DCAF4: variants seen among roughly 807,000 people sequenced by gnomAD.
DCAF4 encodes DDB1 and CUL4 associated factor 4.
In DCAF4, 37 loss-of-function variants were observed where a neutral mutation model predicts 60.9. The observed-to-expected ratio is 0.61, with a 90% CI of 0.47 to 0.80. The LOEUF is 0.80. Ranked by LOEUF, DCAF4 falls within the 30% of genes least tolerant of loss-of-function variation. The pLI is 0.00. For missense variants in DCAF4, 577 were observed against 650.0 expected, an observed-to-expected ratio of 0.89 and a Z score of 1.22; for synonymous variants, 243 against 254.8, an observed-to-expected ratio of 0.95 and a Z score of 0.44.
chr14:72,941,946 T>G, intron 5 of DCAF4, 122 bp downstream of exon 5: 1 of 1,004,710 alleles, frequency 1.0e-6, no homozygotes, highest in East Asian at 2.4e-5. Flanking sequence ...ACCTGCACAG[T>G]TGAGGGGCTC....
Position 72,940,396 on chromosome 14 carries a change from CG to C in DCAF4, c.351+20del. 6.3e-7 allele frequency: 1 copy of C among 1,599,848 alleles called. No homozygotes were observed. The highest frequency in any genetic ancestry group is 8.5e-7 in the Non-Finnish European group (1 of 1,175,760). On this transcript the variant is annotated intron_variant, in intron 4 of 13. Transcript: ENST00000358377. ...GAAAAAGGTGGGCTCCTCACCCCTT[CG>C]CCCCCTGTCCTCTCCGCTCCTGCCA... is the stretch of plus-strand genomic sequence containing the variant.
At chr14:72,932,793 C>T (rs1354537135) in intron 1 of DCAF4, among the ~76,000 whole-genome samples, 4 of 152,168 alleles carry the variant, frequency 2.6e-5, no homozygotes, top group African/African-American at 9.7e-5. Flanking sequence ...TGGTCTCAAA[C>T]TCTGGACTCA....
intron 6 of DCAF4, among the ~76,000 whole-genome samples, chr14:72,944,137 A>C (rs146364907): frequency 1.3e-5 from 2 of 152,250 alleles, no homozygotes; most frequent in African/African-American, 4.8e-5. Flanking sequence ...CACTGTTCAC[A>C]AGCCTGGACA....
intron 7 of DCAF4, among the ~76,000 whole-genome samples, chr14:72,946,862 C>T (rs921939134): frequency 1.3e-5 from 2 of 152,200 alleles, no homozygotes; most frequent in Admixed American, 6.5e-5. Context: ...GATACACCTT[C>T]AGAGTTCGGC....
intron 1 of DCAF4, among the ~76,000 whole-genome samples, chr14:72,927,868 GT>G (rs1338326102): frequency 6.6e-6 from 1 of 152,146 alleles, no homozygotes; most frequent in Admixed American, 6.6e-5. Flanking sequence ...AAATTTTGTT[GT>G]TTTTTAAGTC....
Position 72,952,026 on chromosome 14 carries a change from T to G in DCAF4, c.808+149T>G, listed in dbSNP as rs891984430. The G allele has an allele frequency of 1.1e-4, 69 of 622,284 alleles. 1 individual carries two copies. Among genetic ancestry groups the G allele is most frequent in the Middle Eastern group, 4.1e-4 (1 of 2,448 alleles). 38.5% of individuals were successfully genotyped at this position (622,284 alleles called of 1,614,324 possible). On this transcript the variant is annotated intron_variant, in intron 9 of 13. Transcript: ENST00000358377. ...CAGGGTTAGTACCAGAAGCATGTGT[T>G]TTTTTTACAGCATCTGCCCCTTTTT...
At chr14:72,960,218 G>A (rs182842447), downstream of DCAF4, among the ~76,000 whole-genome samples, 11 of 150,678 alleles carry the variant, frequency 7.3e-5, no homozygotes, top group East Asian at 2.0e-4. Context: ...GTGCAATGGC[G>A]CTCTCACCGC....
chr14:72,927,343 CTTTTTTTTTTTTTTTT>C (rs547199942), intron 1 of DCAF4, among the ~76,000 whole-genome samples: 1 of 87,344 alleles, frequency 1.1e-5, no homozygotes, highest in Non-Finnish European at 2.2e-5. Context: ...CGGTGGTGTT[CTTTTTTTTTTTTTTTT>C]TTTTTTTTTT....
Position 72,956,507 on chromosome 14 carries a change from GAGGA to G in DCAF4, c.1294+15_1294+18del. 1 of 1,606,336 alleles carries G rather than the reference GAGGA, an allele frequency of 6.2e-7. No individual in the cohort carries two copies. The highest frequency in any genetic ancestry group is 8.5e-7 in the Non-Finnish European group (1 of 1,176,268). On this transcript the variant is annotated splice_region_variant and intron_variant, in intron 13 of 13. Coordinates refer to ENST00000358377, the MANE Select transcript of DCAF4 (RefSeq NM_015604.4). ...GAAGGAATCCTGGTGGCAGGTACTTGAGGAAGGAAGGGGAAGTTCCACCCCATCA... is the reference window on the plus strand; with the variant it reads ...GAAGGAATCCTGGTGGCAGGTACTTGAGGAAGGGGAAGTTCCACCCCATCA...
intron 1 of DCAF4, among the ~76,000 whole-genome samples, chr14:72,927,952 G>A (rs1296868121): frequency 6.6e-6 from 1 of 151,962 alleles, no homozygotes; most frequent in African/African-American, 2.4e-5. Context: ...CACCACACCC[G>A]GCTAATTTTT....
In DCAF4 at chr14:72,951,441, G is replaced by A. The variant is rs370871598; in HGVS notation, c.729-357G>A. Among the ~76,000 whole-genome samples, 12 of 151,992 alleles carry A rather than the reference G, an allele frequency of 7.9e-5. No homozygotes were observed. In the East Asian group the frequency reaches 9.7e-4, roughly 12 times the overall value. ...AGTCTGACCAACTTGGAGAAACCCC[G>A]TCTCTACTAAAAATACAAAATTACC... On this transcript the variant is annotated intron_variant, in intron 8 of 13. Coordinates refer to ENST00000358377, the MANE Select transcript of DCAF4 (RefSeq NM_015604.4).
chr14:72,943,593 G>T (rs1890333307), intron 6 of DCAF4, among the ~76,000 whole-genome samples: 1 of 152,148 alleles, frequency 6.6e-6, no homozygotes, highest in African/African-American at 2.4e-5. Flanking sequence ...TTTGCAGGGG[G>T]TGAAAGGCCT....
intron 1 of DCAF4, among the ~76,000 whole-genome samples, chr14:72,936,909 T>C (rs1028905010): frequency 2.0e-5 from 3 of 152,152 alleles, no homozygotes; most frequent in Non-Finnish European, 4.4e-5. Flanking sequence ...AAGAGAAAGA[T>C]ATTACAGAAG....
chr14:72,960,047 C>A (rs1892744014), downstream of DCAF4, among the ~76,000 whole-genome samples: 1 of 152,210 alleles, frequency 6.6e-6, no homozygotes, highest in African/African-American at 2.4e-5. Flanking sequence ...CTGGTCATCA[C>A]ACCTCACTGT....
At chr14:72,953,857 C>T (rs1299014661) in intron 9 of DCAF4, among the ~76,000 whole-genome samples, 1 of 137,350 alleles carries the variant, frequency 7.3e-6, no homozygotes, top group East Asian at 2.3e-4. Context: ...CCTGAGATCA[C>T]ATAGCTGGTA....
chr14:72,928,329 G>C (rs7144128), intron 1 of DCAF4, among the ~76,000 whole-genome samples: 1 of 151,536 alleles, frequency 6.6e-6, no homozygotes, highest in Non-Finnish European at 1.5e-5. Flanking sequence ...GAGTAGCTGA[G>C]ACTACGGGCG....
At chr14:72,930,691 A>G (rs1178207953) in intron 1 of DCAF4, among the ~76,000 whole-genome samples, 8 of 152,166 alleles carry the variant, frequency 5.3e-5, no homozygotes, top group Non-Finnish European at 1.2e-4. Flanking sequence ...TATTTGAGAA[A>G]TCATTGCCTA....
At chr14:72,952,691 C>CTTT (rs1215172512) in intron 9 of DCAF4, among the ~76,000 whole-genome samples, 73 of 105,136 alleles carry the variant, frequency 6.9e-4, no homozygotes, top group Non-Finnish European at 1.0e-3. Context: ...CTTGTCTTGT[C>CTTT]TTTTTTTTTT....
chr14:72,942,810 G>A lies in DCAF4; in HGVS notation c.432-184G>A, dbSNP rs575728164. ...CTTCTTCATTTTCATCTTCCTGAGC[G>A]TTCTGTGGGGAAACTCAAATTCGGA... On this transcript the variant is annotated intron_variant, in intron 5 of 13. Coordinates refer to ENST00000358377, the MANE Select transcript of DCAF4 (RefSeq NM_015604.4). The A allele has an allele frequency of 4.2e-5, 25 of 590,736 alleles. No individual in the cohort carries two copies. The East Asian group carries it at 4.4e-4, about 10-fold the overall frequency. The allele number at this position is 590,736 out of a possible 1,614,324, so 36.6% of individuals were successfully genotyped here.
Sources: gnomAD v4.1 joint callset for allele counts (sites outside exome capture counted in the v4.1 genomes callset) on GRCh38, gnomAD v4.1.1 for gene constraint, MANE v1.5 for transcripts, NCBI Gene and HGNC (gene_info 2026-07-23, HGNC 2026-07-21) for gene names.